The following HOOK1 variants were observed in gnomAD, a reference collection of about 807,000 sequenced individuals.
The protein encoded by HOOK1 is hook microtubule tethering protein 1, also known as protein Hook homolog 1.
HOOK1 carries 60 observed loss-of-function variants against 112.8 expected under a neutral mutation model. That is an observed-to-expected ratio of 0.53 (90% CI 0.43 to 0.66). The LOEUF is 0.66. Ranked by LOEUF, HOOK1 falls within the 30% of genes least tolerant of loss-of-function variation. The pLI is 0.00. For synonymous variants in HOOK1, 294 were observed against 283.8 expected (o/e 1.04, Z -0.36); for missense variants, 770 against 856.0 (o/e 0.90, Z 1.25).
In HOOK1 at chr1:59,860,289, A is replaced by G. The variant is rs1394453878; in HGVS notation, c.1493A>G (p.Gln498Arg). 3 of 1,609,020 alleles carry G rather than the reference A, an allele frequency of 1.9e-6. No homozygotes were observed. The South Asian group carries it at 3.3e-5, about 18-fold the overall frequency. ...GAGGAACTTCAGGAGCAGCTAGAAC[A>G]GAAACACCGTAAAATGAATGAACTG... is the stretch of plus-strand genomic sequence containing the variant. ...RIEELQEQLE[Q>R]KHRKMNELET... Residue 498 changes from glutamine to arginine, a missense_variant, in exon 15 of 22, where the codon CAG becomes CGG. Coordinates refer to ENST00000371208, the MANE Select transcript of HOOK1 (RefSeq NM_015888.6).
chr1:59,824,352 C>T (rs373434936), intron 2 of HOOK1, among the ~76,000 whole-genome samples: 339 of 152,124 alleles, frequency 2.2e-3, no homozygotes, highest in Non-Finnish European at 3.7e-3. Flanking sequence ...GGATTACAGG[C>T]GCATGCCACC....
At chr1:59,822,804 G>C (rs1055406563) in intron 2 of HOOK1, among the ~76,000 whole-genome samples, 15 of 152,228 alleles carry the variant, frequency 9.9e-5, no homozygotes, top group Middle Eastern at 3.4e-3. Flanking sequence ...CTTTAGATGG[G>C]TTAACAAAAA....
chr1:59,856,362 A>C (rs2098410771), intron 12 of HOOK1, among the ~76,000 whole-genome samples: 1 of 151,320 alleles, frequency 6.6e-6, no homozygotes, highest in Non-Finnish European at 1.5e-5. Flanking sequence ...ATTTCTTTTA[A>C]TTCTTTACAA....
At chr1:59,822,046 AC>A in intron 2 of HOOK1, 103 bp downstream of exon 2, 1 of 872,786 alleles carries the variant, frequency 1.1e-6, no homozygotes, top group Non-Finnish European at 1.9e-6. Flanking sequence ...ACTTTATCTT[AC>A]CCAGTGACAT....
chr1:59,846,561 T>C (rs796909929), intron 9 of HOOK1, among the ~76,000 whole-genome samples: 3 of 62,296 alleles, frequency 4.8e-5, no homozygotes, highest in African/African-American at 7.4e-5. Context: ...CTTCCTTCCT[T>C]CCTTCCTTCC....
At chr1:59,816,455 A>C (rs1023471749) in intron 1 of HOOK1, among the ~76,000 whole-genome samples, 2 of 152,246 alleles carry the variant, frequency 1.3e-5, no homozygotes, top group Admixed American at 6.5e-5. Context: ...TTTTGTTAAA[A>C]CAGACTAATT....
Position 59,815,047 on chromosome 1 carries a change from C to G in HOOK1, c.-71C>G. The G allele has an allele frequency of 6.9e-7, 1 of 1,452,600 alleles. No homozygotes were observed. The highest frequency in any genetic ancestry group is 9.3e-7 in the Non-Finnish European group (1 of 1,079,634). The allele number at this position is 1,452,600 out of a possible 1,614,324, so 90.0% of individuals were successfully genotyped here. A position where few individuals can be genotyped will look rare whatever the true frequency, so the allele number is the denominator to read the frequency against. ...CTGGGGGCTAGCAGGTCGTGGACGC[C>G]GGCTCCTGGAGGAGAGCCGGTAGGA... On this transcript the variant is annotated 5_prime_UTR_variant, in exon 1 of 22. Transcript: ENST00000371208.
chr1:59,820,323 T>A (rs2098384691), intron 1 of HOOK1, among the ~76,000 whole-genome samples: 1 of 152,208 alleles, frequency 6.6e-6, no homozygotes, highest in Non-Finnish European at 1.5e-5. Context: ...TCTTGTGAGG[T>A]AGAAACTACT....
At chr1:59,818,522 A>C (rs2098383211) in intron 1 of HOOK1, among the ~76,000 whole-genome samples, 1 of 152,222 alleles carries the variant, frequency 6.6e-6, no homozygotes, top group Non-Finnish European at 1.5e-5. Flanking sequence ...TACATGTTGG[A>C]GGACATGTAT....
chr1:59,839,105 G>A (rs970791442), intron 7 of HOOK1, among the ~76,000 whole-genome samples: 20 of 152,164 alleles, frequency 1.3e-4, no homozygotes, highest in African/African-American at 4.6e-4. Flanking sequence ...CTGTAGCCTT[G>A]TAGTAAAGTT....
chr1:59,825,724 C>T lies in HOOK1; in HGVS notation c.150-3056C>T, dbSNP rs113180238. On this transcript the variant is annotated intron_variant, in intron 2 of 21. Transcript: ENST00000371208. ...CTGACTCCAAGTTCAGTGCTCCCAACCAGCTGTAATCATTGAAATGTACTG... is the reference window on the plus strand; with the variant it reads ...CTGACTCCAAGTTCAGTGCTCCCAATCAGCTGTAATCATTGAAATGTACTG... 9.5e-3 allele frequency among the ~76,000 whole-genome samples: 1,444 copies of T among 152,272 alleles called. 17 individuals carry two copies. Among genetic ancestry groups the T allele is most frequent in the African/African-American group, 0.032 (1,348 of 41,544 alleles).
intron 8 of HOOK1, among the ~76,000 whole-genome samples, chr1:59,840,760 T>A (rs1219475692): frequency 2.0e-5 from 3 of 152,106 alleles, no homozygotes; most frequent in Non-Finnish European, 4.4e-5. Flanking sequence ...TACCTGACAC[T>A]TCCCCCCCAG....
At chr1:59,824,786 T>C (rs1239938527) in intron 2 of HOOK1, among the ~76,000 whole-genome samples, 1 of 152,242 alleles carries the variant, frequency 6.6e-6, no homozygotes, top group Non-Finnish European at 1.5e-5. Flanking sequence ...TTTGAATATG[T>C]AGCACATAAC....
At chr1:59,843,807 C>G (rs2098402232) in intron 9 of HOOK1, among the ~76,000 whole-genome samples, 1 of 151,906 alleles carries the variant, frequency 6.6e-6, no homozygotes, top group South Asian at 2.1e-4. Context: ...AAAAACAAAA[C>G]CATTTAAATA....
rs564698344 is a variant in HOOK1, at chr1:59,828,464, T to C, written c.150-316T>C. ...ACCATCATATTTAAATGAAATAACT[T>C]GGAACAATATCAAGTGCTTGATACA... On this transcript the variant is annotated intron_variant, in intron 2 of 21. Coordinates refer to ENST00000371208, the MANE Select transcript of HOOK1 (RefSeq NM_015888.6). Among the ~76,000 whole-genome samples the C allele has an allele frequency of 5.9e-5, 9 of 152,240 alleles. No individual in the cohort carries two copies. In the East Asian group the frequency reaches 1.7e-3, roughly 29 times the overall value.
rs60936378 is a variant in HOOK1 at position 59,819,138 on chromosome 1, A to ATTT, written c.64-2693_64-2691dup. 6.4e-4 allele frequency among the ~76,000 whole-genome samples: 49 copies of ATTT among 76,562 alleles called. 4 individuals are homozygous for ATTT. Among genetic ancestry groups the ATTT allele is most frequent in the South Asian group, 2.4e-3 (5 of 2,126 alleles). The allele number at this position is 76,562 out of a possible 152,430, so 50.2% of individuals were successfully genotyped here. A position where few individuals can be genotyped will look rare whatever the true frequency, so the allele number is the denominator to read the frequency against. ...TTTGACCTCACTCGCCCCAATAAGC[A>ATTT]TTTTTTTTTTTTTTTTTTTTTTTTT... On this transcript the variant is annotated intron_variant, in intron 1 of 21. Coordinates refer to ENST00000371208, the MANE Select transcript of HOOK1 (RefSeq NM_015888.6).
chr1:59,852,949 G>T (rs370573708), intron 12 of HOOK1, among the ~76,000 whole-genome samples: 1 of 151,722 alleles, frequency 6.6e-6, no homozygotes, highest in African/African-American at 2.4e-5. Flanking sequence ...AAATCTCCTT[G>T]TGTCATTGAT....
chr1:59,848,305 A>G lies in HOOK1; in HGVS notation c.930-10A>G, dbSNP rs2098405281. 1.1e-5 allele frequency: 17 copies of G among 1,600,904 alleles called. No homozygotes were observed. The highest frequency in any genetic ancestry group is 1.4e-5 in the Non-Finnish European group (16 of 1,169,244). ...TTTTGTACAGTAATGCTTAGTCTTT[A>G]TGATTATAGGGCTACCTCTGATAAA... On this transcript the variant is annotated splice_polypyrimidine_tract_variant and intron_variant, in intron 10 of 21. Coordinates refer to ENST00000371208, the MANE Select transcript of HOOK1 (RefSeq NM_015888.6).
chr1:59,845,919 G>C (rs557925903), intron 9 of HOOK1, among the ~76,000 whole-genome samples: 2 of 151,938 alleles, frequency 1.3e-5, no homozygotes, highest in East Asian at 3.9e-4. Flanking sequence ...TTCTGAAAGA[G>C]TTTATGTAAA....
Sources: gnomAD v4.1 joint callset for allele counts (sites outside exome capture counted in the v4.1 genomes callset) on GRCh38, gnomAD v4.1.1 for gene constraint, MANE v1.5 for transcripts, NCBI Gene and HGNC (gene_info 2026-07-23, HGNC 2026-07-21) for gene names.